Variants in CHODL observed in about 807,000 individuals in gnomAD.
CHODL encodes the protein transmembrane protein MT75.
In CHODL, 29 loss-of-function variants were observed where a neutral mutation model predicts 34.5. That is an observed-to-expected ratio of 0.84 (90% CI 0.63 to 1.15). CHODL has a LOEUF of 1.15. Ranked by LOEUF, CHODL falls within the 50% of genes most tolerant of loss-of-function variation. The pLI, the probability that CHODL is intolerant of heterozygous loss-of-function variation, is 0.00. For synonymous variants in CHODL, 125 were observed against 116.1 expected (o/e 1.08, Z -0.49); for missense variants, 332 against 332.5 (o/e 1.00, Z 0.01).
At chr21:18,207,659 CTTTTTT>C (rs34259143) in intron 2 of CHODL, among the ~76,000 whole-genome samples, 2 of 55,952 alleles carry the variant, frequency 3.6e-5, no homozygotes, top group East Asian at 5.0e-4. Flanking sequence ...AATCTCTCAG[CTTTTTT>C]TTTTTTTTTT....
intron 2 of CHODL, among the ~76,000 whole-genome samples, chr21:18,051,075 C>G (rs189164881): frequency 6.6e-6 from 1 of 151,856 alleles, no homozygotes; most frequent in Non-Finnish European, 1.5e-5. Context: ...CTATCCCTTC[C>G]CTAGTCCCCC....
At chr21:17,983,033 T>C (rs78636832) in intron 1 of CHODL, among the ~76,000 whole-genome samples, 393 of 152,148 alleles carry the variant, frequency 2.6e-3, no homozygotes, top group Middle Eastern at 6.8e-3. Flanking sequence ...CGCCTACATA[T>C]GTAGTGTTAC....
intron 2 of CHODL, among the ~76,000 whole-genome samples, chr21:18,089,741 AG>A (rs1243399701): frequency 6.6e-6 from 1 of 151,524 alleles, no homozygotes; most frequent in African/African-American, 2.5e-5. Flanking sequence ...AGAAATAAAA[AG>A]CTTTTAAACT....
At chr21:18,100,271 G>A (rs999521806) in intron 2 of CHODL, among the ~76,000 whole-genome samples, 3 of 152,048 alleles carry the variant, frequency 2.0e-5, no homozygotes, top group Admixed American at 1.3e-4. Context: ...AAATAGTAAA[G>A]GTCCTGATAA....
intron 1 of CHODL, among the ~76,000 whole-genome samples, chr21:17,997,545 G>T (rs986615773): frequency 5.3e-5 from 8 of 152,144 alleles, no homozygotes; most frequent in Admixed American, 2.0e-4. Flanking sequence ...TTTTCATGCT[G>T]CTGATAAAGA....
chr21:18,192,696 T>C (rs2073525329), intron 2 of CHODL, among the ~76,000 whole-genome samples: 1 of 152,284 alleles, frequency 6.6e-6, no homozygotes, highest in East Asian at 1.9e-4. Flanking sequence ...AAGGTTTTAG[T>C]AGCTTTATTA....
At chr21:18,242,411 A>C (rs1480074197), upstream of CHODL, among the ~76,000 whole-genome samples, 1 of 151,706 alleles carries the variant, frequency 6.6e-6, no homozygotes, top group Non-Finnish European at 1.5e-5. Flanking sequence ...CATAGCCCCT[A>C]CTTTTTTCCA....
At chr21:17,990,710 A>G (rs543180901) in intron 1 of CHODL, among the ~76,000 whole-genome samples, 37 of 152,252 alleles carry the variant, frequency 2.4e-4, no homozygotes, top group Non-Finnish European at 4.7e-4. Context: ...ATAATTGTAC[A>G]TATTTATAGG....
At chr21:18,213,803 G>A (rs2073796504) in intron 2 of CHODL, among the ~76,000 whole-genome samples, 1 of 152,064 alleles carries the variant, frequency 6.6e-6, no homozygotes, top group African/African-American at 2.4e-5. Context: ...AGGAAAAAGA[G>A]CTGAGACCAG....
chr21:18,025,169 AAAAC>A (rs150237945), intron 1 of CHODL, among the ~76,000 whole-genome samples: 1 of 152,326 alleles, frequency 6.6e-6, no homozygotes, highest in East Asian at 1.9e-4. Flanking sequence ...TAAATTTAAA[AAAAC>A]CAAAGATTTA....
At chr21:18,225,964 C>G (rs1184035335) in intron 2 of CHODL, among the ~76,000 whole-genome samples, 1 of 152,130 alleles carries the variant, frequency 6.6e-6, no homozygotes, top group African/African-American at 2.4e-5. Context: ...CATATCAAAT[C>G]ATAGACATAC....
intron 2 of CHODL, among the ~76,000 whole-genome samples, chr21:18,165,969 C>A (rs543380681): frequency 1.3e-5 from 2 of 152,088 alleles, no homozygotes; most frequent in Non-Finnish European, 2.9e-5. Context: ...AGGCTTAAAA[C>A]AGTAAAAATT....
At chr21:18,070,028 C>CTT (rs1240928380) in intron 2 of CHODL, among the ~76,000 whole-genome samples, 20 of 101,082 alleles carry the variant, frequency 2.0e-4, no homozygotes, top group Non-Finnish European at 3.9e-4. Context: ...CCTTCCCTCC[C>CTT]CCCCCCCACC....
At chr21:18,029,077 TG>T (rs1175515451) in intron 2 of CHODL, among the ~76,000 whole-genome samples, 1 of 152,198 alleles carries the variant, frequency 6.6e-6, no homozygotes, top group Non-Finnish European at 1.5e-5. Flanking sequence ...AGAGTTCTTA[TG>T]GCCTCTTTAA....
chr21:17,992,132 A>G (rs549874090), intron 1 of CHODL, among the ~76,000 whole-genome samples: 12 of 152,222 alleles, frequency 7.9e-5, no homozygotes, highest in African/African-American at 2.4e-4. Context: ...TAAGTTGGCT[A>G]TGAATATATG....
chr21:18,193,906 C>G (rs548580960), intron 2 of CHODL, among the ~76,000 whole-genome samples: 67 of 151,994 alleles, frequency 4.4e-4, no homozygotes, highest in Non-Finnish European at 8.2e-4. Flanking sequence ...AACCTGCCCC[C>G]CCTTGGTAAA....
chr21:18,213,354 C>T (rs1385953887), intron 2 of CHODL, among the ~76,000 whole-genome samples: 1 of 152,066 alleles, frequency 6.6e-6, no homozygotes, highest in Non-Finnish European at 1.5e-5. Context: ...AGAATCCAAA[C>T]AAAATGTCCC....
intron 1 of CHODL, among the ~76,000 whole-genome samples, chr21:17,953,867 G>A (rs2063477443): frequency 6.6e-6 from 1 of 151,964 alleles, no homozygotes; most frequent in Non-Finnish European, 1.5e-5. Context: ...AACATTAGCT[G>A]GGTGTGGTGG....
intron 2 of CHODL, among the ~76,000 whole-genome samples, chr21:18,239,295 A>C (rs2074058955): frequency 2.0e-5 from 3 of 152,120 alleles, no homozygotes; most frequent in Non-Finnish European, 2.9e-5. Flanking sequence ...ATTATTTCCA[A>C]AATTTCTATA....
Sources: gnomAD v4.1 joint callset for allele counts (sites outside exome capture counted in the v4.1 genomes callset) on GRCh38, gnomAD v4.1.1 for gene constraint, MANE v1.5 for transcripts, NCBI Gene and HGNC (gene_info 2026-07-23, HGNC 2026-07-21) for gene names.